Variants in MTUS2 observed in about 807,000 individuals in gnomAD.
MTUS2 encodes the protein microtubule-associated tumor suppressor candidate 2.
MTUS2 carries 40 observed loss-of-function variants against 114.1 expected under a neutral mutation model. The observed-to-expected ratio is 0.35, with a 90% confidence interval of 0.27 to 0.46. MTUS2 has a LOEUF of 0.46. MTUS2 is among the 20% of genes least tolerant of loss of function. The pLI, the probability that MTUS2 is intolerant of heterozygous loss-of-function variation, is 1.00. For missense variants in MTUS2, 1,679 were observed against 1,705.4 expected (o/e 0.98, Z 0.27); for synonymous variants, 688 against 672.0 (o/e 1.02, Z -0.37).
chr13:29,197,381 C>A (rs1342841575), intron 5 of MTUS2, among the ~76,000 whole-genome samples: 1 of 152,108 alleles, frequency 6.6e-6, no homozygotes, highest in Non-Finnish European at 1.5e-5. Flanking sequence ...TCATCCATGT[C>A]CCTGCAAAGG....
chr13:29,439,960 G>A (rs765985169), intron 8 of MTUS2, 23 bp from the exon 9 acceptor site: 28 of 1,559,444 alleles, frequency 1.8e-5, no homozygotes, highest in Admixed American at 5.7e-5. Context: ...GGGGACTCTC[G>A]GTATCCGTTT....
chr13:28,906,657 G>A (rs1320500770), intron 2 of MTUS2, among the ~76,000 whole-genome samples: 1 of 151,488 alleles, frequency 6.6e-6, no homozygotes, highest in African/African-American at 2.4e-5. Flanking sequence ...CATTTGCTGA[G>A]GAGTGCTTTA....
intron 8 of MTUS2, among the ~76,000 whole-genome samples, chr13:29,405,236 C>T (rs1874664515): frequency 6.6e-6 from 1 of 152,190 alleles, no homozygotes; most frequent in Non-Finnish European, 1.5e-5. Context: ...TTTGAATAAT[C>T]AGCACTTATA....
intron 9 of MTUS2, among the ~76,000 whole-genome samples, chr13:29,477,688 C>T (rs950944614): frequency 1.3e-5 from 2 of 152,158 alleles, no homozygotes; most frequent in Non-Finnish European, 2.9e-5. Context: ...AGCTTCCTAC[C>T]TGTGCTCTGA....
chr13:29,371,133 T>C (rs11841447), intron 8 of MTUS2, among the ~76,000 whole-genome samples: 4,141 of 152,260 alleles, frequency 0.027, 177 homozygotes, highest in African/African-American at 0.094. Context: ...GGAAAAATAA[T>C]TGTAAACACC....
intron 9 of MTUS2, among the ~76,000 whole-genome samples, chr13:29,447,833 T>C (rs1878399977): frequency 6.6e-6 from 1 of 152,094 alleles, no homozygotes; most frequent in Non-Finnish European, 1.5e-5. Flanking sequence ...GCTAGAAATA[T>C]ATTTAATATT....
intron 2 of MTUS2, among the ~76,000 whole-genome samples, chr13:28,853,742 G>A (rs1254938680): frequency 6.6e-6 from 1 of 152,082 alleles, no homozygotes; most frequent in Non-Finnish European, 1.5e-5. Context: ...TCAAAGAGGT[G>A]GCAGAATTTA....
chr13:29,073,951 C>T (rs537099536), intron 4 of MTUS2, among the ~76,000 whole-genome samples: 12 of 152,288 alleles, frequency 7.9e-5, no homozygotes, highest in African/African-American at 2.6e-4. Context: ...ACTAATCATT[C>T]AGCAAGACCT....
intron 2 of MTUS2, among the ~76,000 whole-genome samples, chr13:28,843,502 C>T (rs1183494044): frequency 1.3e-5 from 2 of 152,014 alleles, no homozygotes; most frequent in African/African-American, 4.8e-5. Flanking sequence ...AGAAAAAAGA[C>T]CAAACACATG....
intron 9 of MTUS2, among the ~76,000 whole-genome samples, chr13:29,471,400 G>A (rs1372966215): frequency 1.3e-5 from 2 of 151,902 alleles, no homozygotes; most frequent in Non-Finnish European, 2.9e-5. Context: ...TTGCTCATTT[G>A]TTTGCCCGCC....
chr13:29,114,424 A>G (rs1421038537), intron 5 of MTUS2, among the ~76,000 whole-genome samples: 1 of 152,226 alleles, frequency 6.6e-6, no homozygotes, highest in Non-Finnish European at 1.5e-5. Flanking sequence ...AGCCATATCC[A>G]TCCTCATATG....
intron 5 of MTUS2, among the ~76,000 whole-genome samples, chr13:29,268,530 C>T (rs1031590310): frequency 2.0e-5 from 3 of 152,180 alleles, no homozygotes; most frequent in African/African-American, 2.4e-5. Context: ...CAGCCATGCT[C>T]GTCCCTTTGC....
intron 8 of MTUS2, among the ~76,000 whole-genome samples, chr13:29,439,620 C>T (rs376773797): frequency 6.6e-6 from 1 of 151,884 alleles, no homozygotes; most frequent in East Asian, 1.9e-4. Context: ...TTTTAATGGT[C>T]GGAAATCTCA....
At chr13:28,823,584 G>A (rs1209690164) in intron 1 of MTUS2, among the ~76,000 whole-genome samples, 1 of 152,168 alleles carries the variant, frequency 6.6e-6, no homozygotes, top group Non-Finnish European at 1.5e-5. Context: ...CTTTAGTCAG[G>A]CTCCCCTGAG....
intron 5 of MTUS2, among the ~76,000 whole-genome samples, chr13:29,260,835 T>C (rs1211244656): frequency 6.6e-6 from 1 of 152,222 alleles, no homozygotes; most frequent in African/African-American, 2.4e-5. Context: ...TTTTTAATTG[T>C]TACAACTTGG....
intron 2 of MTUS2, among the ~76,000 whole-genome samples, chr13:28,926,720 A>G (rs1365102420): frequency 6.6e-6 from 1 of 152,188 alleles, no homozygotes; most frequent in African/African-American, 2.4e-5. Flanking sequence ...AGAGTAGTTT[A>G]TCAATCATCT....
chr13:29,004,386 A>G (rs1044605772), intron 2 of MTUS2, among the ~76,000 whole-genome samples: 1 of 104,230 alleles, frequency 9.6e-6, no homozygotes, highest in Non-Finnish European at 2.0e-5. Context: ...ATAGTATTAT[A>G]TATTCAAAAT....
At chr13:29,436,821 T>C (rs2138666829) in intron 8 of MTUS2, among the ~76,000 whole-genome samples, 1 of 232 alleles carries the variant, frequency 4.3e-3, no homozygotes, top group Middle Eastern at 0.25. Context: ...TTTTCTTGCT[T>C]TTTTTTTTTT....
At chr13:29,044,587 A>G (rs1360469366) in intron 4 of MTUS2, among the ~76,000 whole-genome samples, 2 of 152,206 alleles carry the variant, frequency 1.3e-5, no homozygotes, top group Non-Finnish European at 2.9e-5. Flanking sequence ...GAGTTGCCCT[A>G]CAGCTCCTGT....
Sources: gnomAD v4.1 joint callset for allele counts (sites outside exome capture counted in the v4.1 genomes callset) on GRCh38, gnomAD v4.1.1 for gene constraint, MANE v1.5 for transcripts, NCBI Gene and HGNC (gene_info 2026-07-23, HGNC 2026-07-21) for gene names.